Variants in BBX observed in about 807,000 individuals in gnomAD.
The protein encoded by BBX is HMG box transcription factor BBX.
BBX carries 30 observed loss-of-function variants against 100.2 expected under a neutral mutation model. The ratio of observed to expected loss-of-function variants is 0.30; its 90% confidence interval spans 0.22 to 0.41. BBX has a LOEUF of 0.41. Among genes scored for constraint, BBX ranks in the 10% least tolerant of loss-of-function variants. The pLI, the probability that BBX is intolerant of heterozygous loss-of-function variation, is 1.00. For synonymous variants in BBX, 376 were observed against 388.1 expected (o/e 0.97, Z 0.37); for missense variants, 1,023 against 1,129.8 (o/e 0.91, Z 1.35).
intron 10 of BBX, among the ~76,000 whole-genome samples, chr3:107,769,013 G>T (rs946625357): frequency 5.8e-5 from 1 of 17,208 alleles, no homozygotes; most frequent in African/African-American, 2.9e-4. Flanking sequence ...GGGGCGGCGG[G>T]GGGGGGGAGC....
intron 3 of BBX, among the ~76,000 whole-genome samples, chr3:107,696,325 G>A (rs2060596502): frequency 6.6e-6 from 1 of 151,784 alleles, no homozygotes; most frequent in South Asian, 2.1e-4. Flanking sequence ...TGATTTTGCA[G>A]TGGCTGGTAC....
At chr3:107,710,431 C>T (rs2061643763) in intron 3 of BBX, 21 bp from the exon 4 acceptor site, 3 of 1,556,588 alleles carry the variant, frequency 1.9e-6, no homozygotes, top group African/African-American at 1.4e-5. Context: ...CCCTGTTTCT[C>T]TCTCTCTCTT....
At chr3:107,560,119 C>T (rs1441143002) in intron 2 of BBX, among the ~76,000 whole-genome samples, 1 of 151,844 alleles carries the variant, frequency 6.6e-6, no homozygotes, top group Non-Finnish European at 1.5e-5. Context: ...CAAATGAATA[C>T]CGAAGTTAGA....
Position 107,632,103 on chromosome 3 carries a change from G to A in BBX, c.-83-13733G>A, listed in dbSNP as rs551015999. On this transcript the variant is annotated intron_variant, in intron 2 of 17. Transcript: ENST00000325805. Reference sequence around the variant, plus strand: ...TTGTTGTTGTTGTTGTTGAGATGGCGTCTCCCTCTGCCACTCAGGCTGGAG... The same window carrying A: ...TTGTTGTTGTTGTTGTTGAGATGGCATCTCCCTCTGCCACTCAGGCTGGAG... 5.9e-5 allele frequency among the ~76,000 whole-genome samples: 9 copies of A among 152,002 alleles called. No individual in the cohort carries two copies. The South Asian group carries it at 8.3e-4, about 14-fold the overall frequency.
In BBX at chr3:107,789,893, T is replaced by C; in HGVS notation, c.2293+17T>C. Reference sequence around the variant, plus strand: ...CGGAAAAAGGTATTGGTGCCCTCCATCCTCCATGAAGGGTTCTTGGTCACC... The same window carrying C: ...CGGAAAAAGGTATTGGTGCCCTCCACCCTCCATGAAGGGTTCTTGGTCACC... On this transcript the variant is annotated intron_variant, in intron 14 of 17. Coordinates refer to ENST00000325805, the MANE Select transcript of BBX (RefSeq NM_001142568.3). 1 of 1,526,754 alleles carries C rather than the reference T, an allele frequency of 6.5e-7. No individual in the cohort carries two copies. Among genetic ancestry groups the C allele is most frequent in the South Asian group, 1.2e-5 (1 of 83,260 alleles). The allele number at this position is 1,526,754 out of a possible 1,614,324, so 94.6% of individuals were successfully genotyped here.
intron 2 of BBX, among the ~76,000 whole-genome samples, chr3:107,594,044 A>G (rs2053514877): frequency 6.6e-6 from 1 of 152,336 alleles, no homozygotes; most frequent in Middle Eastern, 3.4e-3. Flanking sequence ...AAGGGAGATT[A>G]AAATGATCAC....
intron 3 of BBX, among the ~76,000 whole-genome samples, chr3:107,687,479 C>T (rs2059915992): frequency 3.9e-5 from 6 of 151,968 alleles, no homozygotes; most frequent in Admixed American, 2.6e-4. Context: ...CAGCCTGGCC[C>T]CTGCTGGAGA....
intron 5 of BBX, among the ~76,000 whole-genome samples, chr3:107,723,428 T>C (rs921159561): frequency 1.3e-5 from 2 of 152,144 alleles, no homozygotes; most frequent in African/African-American, 2.4e-5. Flanking sequence ...TTTTTTATTA[T>C]ACTTTAAGTT....
chr3:107,660,957 T>C (rs1316018030), intron 3 of BBX, among the ~76,000 whole-genome samples: 2 of 152,172 alleles, frequency 1.3e-5, no homozygotes, highest in African/African-American at 4.8e-5. Flanking sequence ...CTCTAAGAAT[T>C]CATTGAAATG....
At chr3:107,758,395 C>T (rs570763594) in intron 10 of BBX, among the ~76,000 whole-genome samples, 19 of 152,212 alleles carry the variant, frequency 1.2e-4, no homozygotes, top group African/African-American at 4.1e-4. Context: ...TCCCAAGGGT[C>T]AAGTGGATAA....
intron 2 of BBX, among the ~76,000 whole-genome samples, chr3:107,556,451 C>A (rs1444027565): frequency 1.3e-5 from 2 of 152,096 alleles, no homozygotes; most frequent in African/African-American, 4.8e-5. Context: ...CTTCTCCCTG[C>A]AGGGAAGTAT....
chr3:107,732,496 A>G (rs1235329866), intron 6 of BBX, among the ~76,000 whole-genome samples: 2 of 152,126 alleles, frequency 1.3e-5, no homozygotes, highest in Non-Finnish European at 2.9e-5. Context: ...TGATTTGAAA[A>G]CTTCTCTCTG....
chr3:107,783,299 T>TG (rs1559722900), intron 13 of BBX, among the ~76,000 whole-genome samples: 2 of 152,022 alleles, frequency 1.3e-5, no homozygotes, highest in Admixed American at 1.3e-4. Context: ...ATCTATAATT[T>TG]GGGGGGTGGC....
At position 107,708,001 on chromosome 3, in the gene BBX, A is replaced by G. The variant is rs1014538157; in HGVS notation, c.-9-2451A>G. On this transcript the variant is annotated intron_variant, in intron 3 of 17. Transcript: ENST00000325805. ...CCCACTGATTTCTTTTACTGTTTAA[A>G]ATATTAGACCCTTAAATGGGTTTAA... Among the ~76,000 whole-genome samples the G allele has an allele frequency of 5.9e-5, 9 of 152,166 alleles. No homozygotes were observed. In the East Asian group the frequency reaches 1.7e-3, roughly 29 times the overall value.
At chr3:107,610,682 T>C (rs543025306) in intron 2 of BBX, among the ~76,000 whole-genome samples, 1 of 152,190 alleles carries the variant, frequency 6.6e-6, no homozygotes, top group East Asian at 1.9e-4. Flanking sequence ...TTTTCTTTGG[T>C]TTCTACTTGC....
intron 2 of BBX, among the ~76,000 whole-genome samples, chr3:107,611,770 T>C (rs1330828174): frequency 6.6e-6 from 1 of 152,150 alleles, no homozygotes; most frequent in African/African-American, 2.4e-5. Context: ...GATTTTGATA[T>C]CTTTCTCTAG....
At chr3:107,728,471 C>G (rs1253346614) in intron 5 of BBX, among the ~76,000 whole-genome samples, 1 of 152,070 alleles carries the variant, frequency 6.6e-6, no homozygotes, top group Admixed American at 6.6e-5. Flanking sequence ...ATAAACAACT[C>G]CCTTTCCCCA....
chr3:107,548,453 TTTTTGGGAGATG>T (rs2049403508), intron 2 of BBX, among the ~76,000 whole-genome samples: 1 of 152,112 alleles, frequency 6.6e-6, no homozygotes, highest in Admixed American at 6.5e-5. Flanking sequence ...GGGAGAGATG[TTTTTGGGAGATG>T]TTTTGGGAGA....
intron 13 of BBX, among the ~76,000 whole-genome samples, chr3:107,785,974 G>A (rs1260699714): frequency 2.0e-5 from 3 of 152,166 alleles, no homozygotes; most frequent in African/African-American, 7.2e-5. Flanking sequence ...AATGAGTTTA[G>A]TAGAGCTGCA....
Sources: gnomAD v4.1 joint callset for allele counts (sites outside exome capture counted in the v4.1 genomes callset) on GRCh38, gnomAD v4.1.1 for gene constraint, MANE v1.5 for transcripts, NCBI Gene and HGNC (gene_info 2026-07-23, HGNC 2026-07-21) for gene names.